CBX5: variants seen among roughly 807,000 people sequenced by gnomAD.
The protein encoded by CBX5 is chromobox 5.
In CBX5, 7 loss-of-function variants were observed where a neutral mutation model predicts 20.7. The ratio of observed to expected loss-of-function variants is 0.34; its 90% CI spans 0.19 to 0.63. The LOEUF is 0.63. Among genes scored for constraint, CBX5 ranks in the 30% least tolerant of loss-of-function variants. The probability of loss-of-function intolerance (pLI) is 0.75; values close to 1 mark genes in which losing one functional copy is unlikely to be tolerated. For synonymous variants in CBX5, 78 were observed against 77.0 expected, an observed-to-expected ratio of 1.01 and a Z score of -0.07; for missense variants, 110 against 224.1, an observed-to-expected ratio of 0.49 and a Z score of 3.25.
At chr12:54,249,676 GGAGGAGGTGGTA>G (rs1943773568) in intron 3 of CBX5, among the ~76,000 whole-genome samples, 1 of 152,088 alleles carries the variant, frequency 6.6e-6, no homozygotes, top group Non-Finnish European at 1.5e-5. Context: ...GCTGGGGGCG[GGAGGAGGTGGTA>G]GAGTGTGTGT....
At chr12:54,268,394 G>A (rs1218152528) in intron 1 of CBX5, among the ~76,000 whole-genome samples, 2 of 152,138 alleles carry the variant, frequency 1.3e-5, no homozygotes, top group African/African-American at 4.8e-5. Context: ...CAGCTATATT[G>A]ACAGTTAAAT....
intron 1 of CBX5, chr12:54,274,364 A>G (rs961293183): frequency 2.0e-5 from 3 of 152,204 alleles, no homozygotes; most frequent in Admixed American, 6.5e-5. Context: ...AAGAAAAATA[A>G]AAGTTTATAT....
chr12:54,253,119 T>C (rs562597773), intron 2 of CBX5, among the ~76,000 whole-genome samples: 1 of 152,004 alleles, frequency 6.6e-6, no homozygotes, highest in South Asian at 2.1e-4. Flanking sequence ...GGTGGTTGCA[T>C]AGCTCTATAA....
Position 54,252,227 on chromosome 12 carries a change from C to T in CBX5, c.138G>A (p.Glu46=). 1.3e-6 allele frequency: 2 copies of T among 1,560,350 alleles called. No individual in the cohort carries two copies. Among genetic ancestry groups the T allele is most frequent in the Non-Finnish European group, 1.7e-6 (2 of 1,163,264 alleles). Residue 46 remains glutamate (E), a splice_region_variant and synonymous_variant, in exon 3 of 5, where the codon GAG becomes GAA. Coordinates refer to ENST00000209875, the MANE Select transcript of CBX5 (RefSeq NM_012117.3). Reference sequence around the variant, plus strand: ...TCTCAGGTTCCCAAGTATTGTGCTCCCTGGGTAAGAAAAATGGGAAAATTA... The same window carrying T: ...TCTCAGGTTCCCAAGTATTGTGCTCTCTGGGTAAGAAAAATGGGAAAATTA... ...EYLLKWKGFS[E]EHNTWEPEKN... is the part of the protein sequence containing the mutation.
At chr12:54,250,677 C>A (rs1490984177) in intron 3 of CBX5, among the ~76,000 whole-genome samples, 3 of 148,090 alleles carry the variant, frequency 2.0e-5, no homozygotes, top group African/African-American at 7.4e-5. Context: ...CGGTGGCGGG[C>A]GCCTGTAGTC....
chr12:54,267,333 T>G (rs964897383), intron 1 of CBX5, among the ~76,000 whole-genome samples: 2 of 152,180 alleles, frequency 1.3e-5, no homozygotes, highest in Non-Finnish European at 2.9e-5. Context: ...CCAAATAAAA[T>G]TATGGTCATA....
chr12:54,250,239 A>T (rs1409654843), intron 3 of CBX5, among the ~76,000 whole-genome samples: 1 of 151,882 alleles, frequency 6.6e-6, no homozygotes, highest in African/African-American at 2.4e-5. Context: ...AATAAATAAA[A>T]AATAAAAATA....
chr12:54,252,953 C>A (rs1394832205), intron 2 of CBX5, among the ~76,000 whole-genome samples: 2 of 141,066 alleles, frequency 1.4e-5, no homozygotes, highest in Non-Finnish European at 3.0e-5. Context: ...CCACTCCTGC[C>A]TGGGCGAAAA....
At chr12:54,243,678 G>A (rs1303641201) in intron 4 of CBX5, among the ~76,000 whole-genome samples, 1 of 152,140 alleles carries the variant, frequency 6.6e-6, no homozygotes, top group East Asian at 1.9e-4. Flanking sequence ...AGACCAGCCT[G>A]GCCAACATGA....
rs1047179979 is a variant in CBX5 at position 54,232,650 on chromosome 12, C to T, written c.*9105G>A. On this transcript the variant is annotated 3_prime_UTR_variant, in exon 5 of 5. Transcript: ENST00000209875. ...GCAGAGGGAAGTTGGCAGGATACAC[C>T]TCATTCCACAAACTAGATTAATTCA... 1 of 151,782 alleles carries T rather than the reference C, an allele frequency of 6.6e-6. No individual in the cohort carries two copies. The highest frequency in any genetic ancestry group is 1.5e-5 in the Non-Finnish European group (1 of 67,990). The allele number at this position is 151,782 out of a possible 1,614,324, so 9.4% of individuals were successfully genotyped here. A position where few individuals can be genotyped will look rare whatever the true frequency, so the allele number is the denominator to read the frequency against.
intron 4 of CBX5, among the ~76,000 whole-genome samples, chr12:54,245,561 G>A (rs963150970): frequency 6.6e-6 from 1 of 151,974 alleles, no homozygotes; most frequent in Non-Finnish European, 1.5e-5. Context: ...GGAGGCCGAG[G>A]CAGGCGGATT....
intron 2 of CBX5, among the ~76,000 whole-genome samples, chr12:54,254,280 G>A (rs1943841477): frequency 7.5e-6 from 1 of 133,550 alleles, no homozygotes; most frequent in South Asian, 2.5e-4. Context: ...GTGGTGAGCT[G>A]AGTTCGAGCT....
intron 1 of CBX5, among the ~76,000 whole-genome samples, chr12:54,262,444 C>T (rs550413129): frequency 2.0e-5 from 3 of 152,292 alleles, no homozygotes; most frequent in South Asian, 2.1e-4. Flanking sequence ...ACTGACAAAT[C>T]GAATTGGGCC....
chr12:54,252,975 G>A (rs544507361), intron 2 of CBX5, among the ~76,000 whole-genome samples: 7 of 120,196 alleles, frequency 5.8e-5, no homozygotes, highest in Non-Finnish European at 1.2e-4. Flanking sequence ...GCCAGACTCT[G>A]TCTCAAAAAA....
chr12:54,261,896 T>C (rs2137024808), intron 1 of CBX5, among the ~76,000 whole-genome samples: 1 of 152,028 alleles, frequency 6.6e-6, no homozygotes, highest in East Asian at 1.9e-4. Flanking sequence ...ATCTATTAAG[T>C]CCCCCAAAAA....
At chr12:54,252,979 CAAAAA>C (rs757909869) in intron 2 of CBX5, among the ~76,000 whole-genome samples, 1 of 47,262 alleles carries the variant, frequency 2.1e-5, no homozygotes, top group Non-Finnish European at 4.4e-5. Flanking sequence ...GACTCTGTCT[CAAAAA>C]AAAAAAAAAA....
intron 4 of CBX5, among the ~76,000 whole-genome samples, chr12:54,244,071 G>A (rs894987097): frequency 5.3e-5 from 8 of 150,994 alleles, no homozygotes; most frequent in East Asian, 4.1e-4. Context: ...ACAGGATCTC[G>A]GCTCACTGCA....
chr12:54,267,001 C>T (rs973477471), intron 1 of CBX5, among the ~76,000 whole-genome samples: 2 of 152,166 alleles, frequency 1.3e-5, no homozygotes. Context: ...GAATTTGGCA[C>T]CACCATGGGA....
chr12:54,255,262 A>G (rs1943851274), intron 2 of CBX5, among the ~76,000 whole-genome samples: 1 of 152,164 alleles, frequency 6.6e-6, no homozygotes, highest in African/African-American at 2.4e-5. Flanking sequence ...CCCTGTCTCT[A>G]TTTTGAAGAT....
Sources: allele counts gnomAD v4.1 joint callset (sites outside exome capture counted in the v4.1 genomes callset), GRCh38; gene constraint gnomAD v4.1.1; transcripts MANE v1.5; gene names NCBI Gene and HGNC (gene_info 2026-07-23, HGNC 2026-07-21).